The following OTOP1 variants were observed in gnomAD, a reference collection of about 807,000 sequenced individuals.
OTOP1 encodes proton channel OTOP1.
OTOP1 carries 59 observed loss-of-function variants against 52.9 expected under a neutral mutation model. The ratio of observed to expected loss-of-function variants is 1.12; its 90% confidence interval spans 0.91 to 1.39. OTOP1 has a LOEUF of 1.39. Among genes scored for constraint, OTOP1 ranks in the 40% most tolerant of loss-of-function variants. The pLI is 0.00. For missense variants in OTOP1, 761 were observed against 800.9 expected (o/e 0.95, Z 0.60); for synonymous variants, 317 against 337.7 (o/e 0.94, Z 0.67).
At chr4:4,225,254 C>T (rs1172289353) in intron 1 of OTOP1, among the ~76,000 whole-genome samples, 4 of 152,178 alleles carry the variant, frequency 2.6e-5, no homozygotes, top group Non-Finnish European at 5.9e-5. Flanking sequence ...TTCACCTGCA[C>T]CATGTCTGTC....
chr4:4,218,391 C>CAAAAAAAAAAAAAA (rs202242761), intron 1 of OTOP1, among the ~76,000 whole-genome samples: 1 of 130,634 alleles, frequency 7.7e-6, no homozygotes. Flanking sequence ...GACTCCAACT[C>CAAAAAAAAAAAAAA]AAAAAAAAAA....
intron 5 of OTOP1, among the ~76,000 whole-genome samples, chr4:4,194,451 C>T (rs1218663605): frequency 6.6e-6 from 1 of 152,234 alleles, no homozygotes; most frequent in Admixed American, 6.5e-5. Flanking sequence ...CAGCCAAACT[C>T]TTCTGGGCCT....
chr4:4,208,996 G>A (rs1272994426), intron 2 of OTOP1, among the ~76,000 whole-genome samples: 1 of 152,168 alleles, frequency 6.6e-6, no homozygotes, highest in Non-Finnish European at 1.5e-5. Flanking sequence ...AGCCAGAGTT[G>A]TCATCAGTTC....
chr4:4,219,030 C>T (rs1717213011), intron 1 of OTOP1, among the ~76,000 whole-genome samples: 1 of 151,548 alleles, frequency 6.6e-6, no homozygotes, highest in South Asian at 2.1e-4. Flanking sequence ...TTTTCAAATG[C>T]TCAAAAAAGG....
rs777699181 is a variant in OTOP1 at position 4,226,557 on chromosome 4, T to C, written c.308A>G (p.Gln103Arg). Residue 103 changes from glutamine (Q) to arginine (R), a missense_variant, in exon 1 of 6, where the codon CAG becomes CGG. Around this residue, in one of 3 missense-constraint regions of OTOP1, gnomAD observed 56 missense variants for 105.6 expected, o/e 0.53. Transcript: ENST00000296358. Reference protein sequence around the residue: ...LCFLTALMLLQLLWMLWYVGR... With the variant: ...LCFLTALMLLRLLWMLWYVGR... ...CACGTACCACAGCATCCACAGCAGC[T>C]GCAGCAGCATGAGCGCCGTCAGGAA... The C allele has an allele frequency of 2.6e-5, 41 of 1,604,272 alleles. No individual in the cohort carries two copies. The highest frequency in any genetic ancestry group is 3.5e-5 in the Non-Finnish European group (41 of 1,178,462).
At chr4:4,202,680 C>A in intron 3 of OTOP1, 102 bp from the exon 4 acceptor site, 2 of 1,463,892 alleles carry the variant, frequency 1.4e-6, no homozygotes, top group Non-Finnish European at 1.9e-6. Flanking sequence ...TCCTTCTCAG[C>A]CATGATTCTG....
At chr4:4,226,299 AGG>A (rs1717430921) in intron 1 of OTOP1, among the ~76,000 whole-genome samples, 161 bp downstream of exon 1, 1 of 79,552 alleles carries the variant, frequency 1.3e-5, no homozygotes, top group African/African-American at 1.1e-4. Flanking sequence ...AGAGAGAGAG[AGG>A]AAAGGAAGGG....
At chr4:4,224,199 T>C (rs1443678469) in intron 1 of OTOP1, among the ~76,000 whole-genome samples, 1 of 151,376 alleles carries the variant, frequency 6.6e-6, no homozygotes, top group Non-Finnish European at 1.5e-5. Flanking sequence ...ATACAAAAAA[T>C]AGCTGGGCAT....
chr4:4,221,350 G>A (rs562360609), intron 1 of OTOP1, among the ~76,000 whole-genome samples: 1 of 152,140 alleles, frequency 6.6e-6, no homozygotes, highest in African/African-American at 2.4e-5. Context: ...TTGAGCCCCA[G>A]AATTTGAGGC....
intron 1 of OTOP1, among the ~76,000 whole-genome samples, chr4:4,219,802 T>A (rs1460176902): frequency 6.9e-6 from 1 of 144,598 alleles, no homozygotes; most frequent in African/African-American, 2.6e-5. Flanking sequence ...TGTATAAATA[T>A]ATATACGTGT....
At chr4:4,214,400 T>C (rs747614197) in intron 1 of OTOP1, among the ~76,000 whole-genome samples, 9 of 152,120 alleles carry the variant, frequency 5.9e-5, no homozygotes, top group Non-Finnish European at 1.3e-4. Flanking sequence ...GGGAGGGCCT[T>C]CAAAAAATTC....
chr4:4,191,300 C>T (rs1169346929), intron 5 of OTOP1, among the ~76,000 whole-genome samples: 1 of 152,152 alleles, frequency 6.6e-6, no homozygotes, highest in Admixed American at 6.6e-5. Flanking sequence ...GGCGGTGGCC[C>T]CCTGCCTGGT....
In OTOP1 at chr4:4,197,849, C is replaced by G. The variant is rs779532816; in HGVS notation, c.985G>C (p.Val329Leu). 6.2e-7 allele frequency: 1 copy of G among 1,614,116 alleles called. No individual in the cohort carries two copies. Among genetic ancestry groups the G allele is most frequent in the Admixed American group, 1.7e-5 (1 of 60,020 alleles). Reference sequence around the variant, plus strand: ...CCAATATGAATCAGGTATACCACCACCACAGCAATGGTGGCGGCCAGCACG... The same window carrying G: ...CCAATATGAATCAGGTATACCACCAGCACAGCAATGGTGGCGGCCAGCACG... The part of the protein sequence containing the change: ...LTVLAATIAV[V>L]VVYLIHIGRS... The change falls in exon 5 of 6, where the codon GTG becomes CTG. Residue 329 changes from valine to leucine, a missense_variant. Val to Leu is a conservative substitution (Grantham distance 32). Around this residue, in one of 3 missense-constraint regions of OTOP1, gnomAD observed 632 missense variants for 619.5 expected, o/e 1.02. Coordinates refer to ENST00000296358, the MANE Select transcript of OTOP1 (RefSeq NM_177998.3).
At chr4:4,195,448 C>G (rs1322914729) in intron 5 of OTOP1, among the ~76,000 whole-genome samples, 1 of 152,214 alleles carries the variant, frequency 6.6e-6, no homozygotes, top group East Asian at 1.9e-4. Context: ...GCCTCCCTTG[C>G]AGTGAGGGGT....
intron 2 of OTOP1, among the ~76,000 whole-genome samples, chr4:4,206,927 A>G (rs571825185): frequency 6.6e-6 from 1 of 152,352 alleles, no homozygotes; most frequent in African/African-American, 2.4e-5. Context: ...CCTATATACC[A>G]GGCATTATTT....
chr4:4,219,592 T>G (rs554582567), intron 1 of OTOP1, among the ~76,000 whole-genome samples: 339 of 150,988 alleles, frequency 2.2e-3, no homozygotes, highest in African/African-American at 7.2e-3. Flanking sequence ...TGCTACTCGG[T>G]AGGCTGAAGC....
chr4:4,197,779 A>G lies in OTOP1; in HGVS notation c.1055T>C (p.Leu352Pro). The G allele has an allele frequency of 6.2e-7, 1 of 1,614,002 alleles. No individual in the cohort carries two copies. Among genetic ancestry groups the G allele is most frequent in the Non-Finnish European group, 8.5e-7 (1 of 1,180,004 alleles). ...AAGCATCAGCAGGGTGATGGCATAC[A>G]GGTAGAACATGATGAGTGCCGACTC... ...KSESALIMFY[L>P]YAITLLMLMG... The change falls in exon 5 of 6, where the codon CTG becomes CCG. Residue 352 changes from leucine (L) to proline (P), a missense_variant. Coordinates refer to ENST00000296358, the MANE Select transcript of OTOP1 (RefSeq NM_177998.3).
At chr4:4,213,107 A>G in intron 1 of OTOP1, 103 bp from the exon 2 acceptor site, 1 of 1,380,518 alleles carries the variant, frequency 7.2e-7, no homozygotes, top group Non-Finnish European at 9.9e-7. Flanking sequence ...CCTTATGTAT[A>G]TGGTCAAATG....
At chr4:4,218,526 G>A (rs1717197970) in intron 1 of OTOP1, among the ~76,000 whole-genome samples, 1 of 152,130 alleles carries the variant, frequency 6.6e-6, no homozygotes, top group East Asian at 1.9e-4. Context: ...TACCCTAAAG[G>A]TCTCATCCCA....
Sources: allele counts gnomAD v4.1 joint callset (sites outside exome capture counted in the v4.1 genomes callset), GRCh38; gene constraint gnomAD v4.1.1; regional missense constraint gnomAD v4.1.1; transcripts MANE v1.5; gene names NCBI Gene and HGNC (gene_info 2026-07-23, HGNC 2026-07-21).